Variants in EFCAB6 observed in about 807,000 individuals in gnomAD.
EFCAB6 encodes EF-hand calcium binding domain 6.
A neutral mutation model predicts 169.8 loss-of-function variants in EFCAB6; 156 were observed. The ratio of observed to expected loss-of-function variants is 0.92; its 90% CI spans 0.81 to 1.05. The LOEUF (loss-of-function observed/expected upper bound fraction) is 1.05. Among genes scored for constraint, EFCAB6 ranks in the 50% least tolerant of loss-of-function variants. The pLI is 0.00. For missense variants in EFCAB6, 1,800 were observed against 1,829.1 expected, an observed-to-expected ratio of 0.98 and a Z score of 0.29; for synonymous variants, 698 against 676.4, an observed-to-expected ratio of 1.03 and a Z score of -0.50.
At chr22:43,587,989 T>A (rs2051190608) in intron 24 of EFCAB6, among the ~76,000 whole-genome samples, 1 of 152,262 alleles carries the variant, frequency 6.6e-6, no homozygotes, top group Admixed American at 6.5e-5. Context: ...TTAGTATAAC[T>A]CAAATATTAC....
rs188494023 is a variant in EFCAB6, at chr22:43,549,524, A to G, written c.3648+5345T>C. On this transcript the variant is annotated intron_variant, in intron 27 of 31. Transcript: ENST00000262726. The stretch of plus-strand genomic sequence containing the variant: ...GCCTGAATGGCTTTATAATCCTGAA[A>G]GAAAATTAGCAGTTAAAAAAAATCT... Among the ~76,000 whole-genome samples, 792 of 152,348 alleles carry G rather than the reference A, an allele frequency of 5.2e-3. 4 individuals carry two copies. The highest frequency in any genetic ancestry group is 0.041 in the Middle Eastern group (12 of 294).
intron 17 of EFCAB6, among the ~76,000 whole-genome samples, chr22:43,652,294 C>G (rs1274126021): frequency 6.6e-6 from 1 of 152,156 alleles, no homozygotes; most frequent in African/African-American, 2.4e-5. Context: ...CATTCTCCTG[C>G]ACAAGCTCTC....
intron 23 of EFCAB6, among the ~76,000 whole-genome samples, chr22:43,599,509 C>CAAAAAAAAAAAAA (rs58130994): frequency 2.0e-4 from 9 of 44,242 alleles, no homozygotes; most frequent in African/African-American, 3.6e-4. Context: ...GATTCCATCT[C>CAAAAAAAAAAAAA]AAAAAAAAAA....
intron 18 of EFCAB6, among the ~76,000 whole-genome samples, chr22:43,632,783 C>T (rs915619144): frequency 1.3e-5 from 2 of 152,168 alleles, no homozygotes; most frequent in African/African-American, 2.4e-5. Flanking sequence ...GACTGTGGGG[C>T]CTCCTTTCAC....
At chr22:43,713,968 T>C (rs1328557413) in intron 9 of EFCAB6, among the ~76,000 whole-genome samples, 1 of 151,946 alleles carries the variant, frequency 6.6e-6, no homozygotes, top group Non-Finnish European at 1.5e-5. Flanking sequence ...TAAAAGAATA[T>C]GAACACATCC....
chr22:43,664,248 A>C (rs758120757), intron 17 of EFCAB6, among the ~76,000 whole-genome samples: 22 of 152,208 alleles, frequency 1.4e-4, no homozygotes, highest in Admixed American at 2.6e-4. Flanking sequence ...GCCCATGTCC[A>C]TCAGTCCTCA....
chr22:43,615,386 T>C (rs1004194784), intron 21 of EFCAB6, among the ~76,000 whole-genome samples: 3 of 152,216 alleles, frequency 2.0e-5, no homozygotes, highest in Admixed American at 6.5e-5. Context: ...TGTGCTTCTA[T>C]AATTTTGGCA....
Position 43,636,340 on chromosome 22 carries a change from C to T in EFCAB6, c.1984-1124G>A, listed in dbSNP as rs141627292. On this transcript the variant is annotated intron_variant, in intron 17 of 31. Transcript: ENST00000262726. ...GCGGAAGAGGCGGCTGGGGAGGGAA[C>T]GGAGGGACCAGGTAAGGCCGTGCTG... is the stretch of plus-strand genomic sequence containing the variant. Among the ~76,000 whole-genome samples the T allele has an allele frequency of 1.8e-3, 269 of 152,236 alleles. 1 individual carries two copies. Among genetic ancestry groups the T allele is most frequent in the African/African-American group, 6.4e-3 (265 of 41,554 alleles).
Position 43,716,860 on chromosome 22 carries a change from G to A in EFCAB6, c.870C>T (p.Asn290=). Reference sequence around the variant, plus strand: ...GAAAACATCTTACTTGTAGACAAAAGTTCCTCTCAATTTCATCCAAGGAGT... The same window carrying A: ...GAAAACATCTTACTTGTAGACAAAAATTCCTCTCAATTTCATCCAAGGAGT... The part of the protein sequence containing the change: ...RNYSLDEIER[N]FCLQLSKSYE... Residue 290 remains asparagine, a synonymous_variant, in exon 9 of 32, where the codon AAC becomes AAT. Transcript: ENST00000262726. 6.2e-7 allele frequency: 1 copy of A among 1,603,868 alleles called. No homozygotes were observed. The highest frequency in any genetic ancestry group is 8.5e-7 in the Non-Finnish European group (1 of 1,175,654).
intron 10 of EFCAB6, among the ~76,000 whole-genome samples, chr22:43,708,922 AAG>A (rs1721525824): frequency 6.6e-6 from 1 of 152,090 alleles, no homozygotes; most frequent in South Asian, 2.1e-4. Flanking sequence ...GAATGCAAAA[AAG>A]AGACTCAGAA....
chr22:43,530,740 C>T, intron 31 of EFCAB6, 75 bp downstream of exon 31: 1 of 1,594,488 alleles, frequency 6.3e-7, no homozygotes, highest in Non-Finnish European at 8.5e-7. Flanking sequence ...TAGAGGGCTC[C>T]CCGTGGGAAG....
At chr22:43,762,347 A>G (rs1361352548) in intron 5 of EFCAB6, among the ~76,000 whole-genome samples, 1 of 152,120 alleles carries the variant, frequency 6.6e-6, no homozygotes, top group African/African-American at 2.4e-5. Context: ...TCTTGTCTCC[A>G]TACTCCAAAT....
chr22:43,575,424 T>C (rs1449486658), intron 26 of EFCAB6, among the ~76,000 whole-genome samples: 3 of 148,628 alleles, frequency 2.0e-5, no homozygotes, highest in Non-Finnish European at 4.5e-5. Flanking sequence ...GCCAGGCTGG[T>C]TTCAAACTCC....
chr22:43,608,255 C>T (rs950029269), intron 22 of EFCAB6, among the ~76,000 whole-genome samples: 3 of 152,110 alleles, frequency 2.0e-5, no homozygotes, highest in African/African-American at 7.2e-5. Context: ...GAGCATTTAC[C>T]CTGGTTCTCC....
rs6147637 is a variant in EFCAB6, at chr22:43,618,143, G to GAGGAAGGA, written c.2466-2229_2466-2222dup. On this transcript the variant is annotated intron_variant, in intron 20 of 31. Coordinates refer to ENST00000262726, the MANE Select transcript of EFCAB6 (RefSeq NM_022785.4). ...AAAAAAAAAAGAAAGAGACAGAGAGGAGGAAGGAAGGAAGGAAGGAAGGAA... is the reference window on the plus strand; with the variant it reads ...AAAAAAAAAAGAAAGAGACAGAGAGGAGGAAGGAAGGAAGGAAGGAAGGAAGGAAGGAA... Among the ~76,000 whole-genome samples the GAGGAAGGA allele has an allele frequency of 2.7e-3, 174 of 63,984 alleles. 6 individuals carry two copies. Among genetic ancestry groups the GAGGAAGGA allele is most frequent in the East Asian group, 5.5e-3 (11 of 1,998 alleles). The allele number at this position is 63,984 out of a possible 152,430, so 42.0% of individuals were successfully genotyped here.
intron 21 of EFCAB6, among the ~76,000 whole-genome samples, chr22:43,608,940 A>G (rs2053114450): frequency 1.3e-5 from 2 of 152,188 alleles, no homozygotes; most frequent in South Asian, 4.1e-4. Context: ...TCCTCATCTC[A>G]ATGATGGTTT....
At chr22:43,707,650 T>C (rs2059004212) in intron 10 of EFCAB6, among the ~76,000 whole-genome samples, 1 of 152,216 alleles carries the variant, frequency 6.6e-6, no homozygotes, top group African/African-American at 2.4e-5. Context: ...TTCTGTTCCC[T>C]GCTACATTTT....
At chr22:43,678,753 A>G (rs1320862995) in intron 12 of EFCAB6, among the ~76,000 whole-genome samples, 1 of 152,250 alleles carries the variant, frequency 6.6e-6, no homozygotes, top group Non-Finnish European at 1.5e-5. Context: ...AAATTTATCA[A>G]TAAGTAGACT....
intron 21 of EFCAB6, among the ~76,000 whole-genome samples, chr22:43,609,050 C>G (rs79615102): frequency 0.019 from 2,896 of 152,208 alleles, 93 homozygotes; most frequent in African/African-American, 0.067. Context: ...CTGATGGGTA[C>G]AGAAGGTATT....
Sources: gnomAD v4.1 joint callset for allele counts (sites outside exome capture counted in the v4.1 genomes callset) on GRCh38, gnomAD v4.1.1 for gene constraint, MANE v1.5 for transcripts, NCBI Gene and HGNC (gene_info 2026-07-23, HGNC 2026-07-21) for gene names.